PLPPR1: variants seen among roughly 807,000 people sequenced by gnomAD.
PLPPR1 encodes the protein phospholipid phosphatase related 1.
A neutral mutation model predicts 33.1 loss-of-function variants in PLPPR1; 10 were observed. That is an observed-to-expected ratio of 0.30 (90% CI 0.19 to 0.51). The LOEUF is 0.51. PLPPR1 is among the 20% of genes least tolerant of loss of function. The pLI, the probability that PLPPR1 is intolerant of heterozygous loss-of-function variation, is 0.97. For missense variants in PLPPR1, 304 were observed against 408.1 expected (o/e 0.74, Z 2.20); for synonymous variants, 151 against 151.0 (o/e 1.00, Z 0.00).
chr9:101,101,164 T>C (rs1280330979), intron 1 of PLPPR1, among the ~76,000 whole-genome samples: 1 of 152,154 alleles, frequency 6.6e-6, no homozygotes, highest in African/African-American at 2.4e-5. Flanking sequence ...CTTTTTTGTG[T>C]GGTGGGATGG....
intron 1 of PLPPR1, among the ~76,000 whole-genome samples, chr9:101,079,137 T>C (rs891821157): frequency 6.6e-6 from 1 of 152,224 alleles, no homozygotes; most frequent in Non-Finnish European, 1.5e-5. Flanking sequence ...AAATTTCCTC[T>C]CAGCAGTTTC....
chr9:101,084,573 G>T (rs1483510393), intron 1 of PLPPR1, among the ~76,000 whole-genome samples: 1 of 152,168 alleles, frequency 6.6e-6, no homozygotes, highest in East Asian at 1.9e-4. Context: ...AGAAAAAAGC[G>T]GAAAACCAGA....
At chr9:101,228,409 T>G (rs1827115353) in intron 2 of PLPPR1, among the ~76,000 whole-genome samples, 1 of 152,158 alleles carries the variant, frequency 6.6e-6, no homozygotes, top group Non-Finnish European at 1.5e-5. Flanking sequence ...CCTAGTTTCT[T>G]TAATTCCTTC....
At chr9:101,294,541 C>G (rs1326232177) in intron 4 of PLPPR1, among the ~76,000 whole-genome samples, 12 of 150,840 alleles carry the variant, frequency 8.0e-5, no homozygotes, top group Non-Finnish European at 1.6e-4. Context: ...AACATTGATG[C>G]AAAAATCCTC....
intron 1 of PLPPR1, among the ~76,000 whole-genome samples, chr9:101,183,332 GA>G (rs1387287237): frequency 1.3e-5 from 2 of 151,650 alleles, no homozygotes; most frequent in South Asian, 4.1e-4. Flanking sequence ...CAGTTAAAAG[GA>G]AAAAAATTAC....
chr9:101,215,056 A>C (rs1329736229), intron 2 of PLPPR1, among the ~76,000 whole-genome samples: 1 of 151,858 alleles, frequency 6.6e-6, no homozygotes, highest in Non-Finnish European at 1.5e-5. Flanking sequence ...AAAAGAAAAA[A>C]GCTAAAGGGA....
intron 1 of PLPPR1, among the ~76,000 whole-genome samples, chr9:101,087,068 C>T (rs1446342181): frequency 6.6e-6 from 1 of 151,906 alleles, no homozygotes; most frequent in Non-Finnish European, 1.5e-5. Context: ...ATCCCAGCTA[C>T]TCAGAAGGCT....
rs567592278 is a variant in PLPPR1 at position 101,257,964 on chromosome 9, A to G, written c.64-11916A>G. ...TGAACAGGCCAACAAAATTAATTAT[A>G]AAAGTTTTCTTTACTCTTCTGTCTA... On this transcript the variant is annotated intron_variant, in intron 2 of 7. Coordinates refer to ENST00000374874, the MANE Select transcript of PLPPR1 (RefSeq NM_207299.2). Among the ~76,000 whole-genome samples, 4 of 152,256 alleles carry G rather than the reference A, an allele frequency of 2.6e-5. No individual in the cohort carries two copies. In the South Asian group the frequency reaches 8.3e-4, roughly 32 times the overall value.
intron 1 of PLPPR1, among the ~76,000 whole-genome samples, chr9:101,038,811 C>T (rs966048442): frequency 1.3e-5 from 2 of 152,126 alleles, no homozygotes; most frequent in African/African-American, 4.8e-5. Flanking sequence ...TCCTCCCGCC[C>T]ATCCCTGCCC....
chr9:101,178,283 G>A (rs544242472), intron 1 of PLPPR1, among the ~76,000 whole-genome samples: 47 of 152,308 alleles, frequency 3.1e-4, no homozygotes, highest in African/African-American at 1.1e-3. Flanking sequence ...GGCTGACCTG[G>A]CTACTGCCAC....
intron 1 of PLPPR1, among the ~76,000 whole-genome samples, chr9:101,043,403 AT>A (rs934538580): frequency 6.6e-6 from 1 of 151,438 alleles, no homozygotes; most frequent in Non-Finnish European, 1.5e-5. Context: ...ACATATATAC[AT>A]ATGTATGTGT....
chr9:101,285,138 A>G (rs1024473255), intron 3 of PLPPR1, among the ~76,000 whole-genome samples: 19 of 152,202 alleles, frequency 1.2e-4, no homozygotes. Flanking sequence ...TATTTAATAG[A>G]TAACGGTAAT....
In PLPPR1 at chr9:101,320,422, G is replaced by T. The variant is rs757155138; in HGVS notation, c.945+2926G>T. Among the ~76,000 whole-genome samples, 7 of 152,132 alleles carry T rather than the reference G, an allele frequency of 4.6e-5. 1 individual carries two copies. Among genetic ancestry groups the T allele is most frequent in the Non-Finnish European group, 8.8e-5 (6 of 68,026 alleles). ...ATCCACTAGGTGTGAAATACATATTGATGGATGAATACAAACTTGTCCCAA... is the reference window on the plus strand; with the variant it reads ...ATCCACTAGGTGTGAAATACATATTTATGGATGAATACAAACTTGTCCCAA... On this transcript the variant is annotated intron_variant, in intron 7 of 7. Coordinates refer to ENST00000374874, the MANE Select transcript of PLPPR1 (RefSeq NM_207299.2).
At chr9:101,303,574 T>C (rs1828792480) in intron 4 of PLPPR1, among the ~76,000 whole-genome samples, 1 of 152,294 alleles carries the variant, frequency 6.6e-6, no homozygotes, top group East Asian at 1.9e-4. Context: ...GTGCTGAGAT[T>C]ACAGCATGAG....
chr9:101,049,180 T>C (rs1830190367), intron 1 of PLPPR1, among the ~76,000 whole-genome samples: 2 of 152,344 alleles, frequency 1.3e-5, no homozygotes, highest in South Asian at 2.1e-4. Flanking sequence ...TGGGACTTAA[T>C]TGGCAAATAT....
At chr9:101,244,221 C>T (rs1013179784) in intron 2 of PLPPR1, among the ~76,000 whole-genome samples, 6 of 151,776 alleles carry the variant, frequency 4.0e-5, no homozygotes, top group African/African-American at 1.5e-4. Context: ...AGTTAACCCC[C>T]ATGTAGCTTT....
intron 1 of PLPPR1, among the ~76,000 whole-genome samples, chr9:101,089,979 C>T (rs76117751): frequency 0.012 from 1,857 of 152,208 alleles, 38 homozygotes; most frequent in African/African-American, 0.043. Flanking sequence ...AGTCTGAGAA[C>T]AAGGTGTTGG....
At chr9:101,169,878 G>C (rs77334636) in intron 1 of PLPPR1, among the ~76,000 whole-genome samples, 1,648 of 151,244 alleles carry the variant, frequency 0.011, 11 homozygotes, top group Middle Eastern at 0.02. Flanking sequence ...ACTATTCTTT[G>C]GGTCCAAGGT....
intron 4 of PLPPR1, among the ~76,000 whole-genome samples, chr9:101,291,307 C>T (rs893711242): frequency 1.2e-4 from 18 of 152,348 alleles, no homozygotes; most frequent in African/African-American, 4.3e-4. Flanking sequence ...GGGTGGAGCC[C>T]ACCACAGCTC....
Sources: allele counts gnomAD v4.1 joint callset (sites outside exome capture counted in the v4.1 genomes callset), GRCh38; gene constraint gnomAD v4.1.1; transcripts MANE v1.5; gene names NCBI Gene and HGNC (gene_info 2026-07-23, HGNC 2026-07-21).